FARP2: variants seen among roughly 807,000 people sequenced by gnomAD.
FARP2 encodes the protein FERM, ARH/RhoGEF and pleckstrin domain protein 2.
Under a neutral mutation model 130.5 loss-of-function variants are expected in FARP2, and 111 were observed. The observed-to-expected ratio is 0.85, with a 90% CI of 0.73 to 1.00. The LOEUF (loss-of-function observed/expected upper bound fraction) is 1.00. FARP2 is among the 50% of genes least tolerant of loss of function. FARP2 has a pLI of 0.00. For missense variants in FARP2, 1,385 were observed against 1,346.3 expected (o/e 1.03, Z -0.45); for synonymous variants, 504 against 516.9 (o/e 0.98, Z 0.34).
At chr2:241,476,753 A>G (rs997480288) in intron 19 of FARP2, among the ~76,000 whole-genome samples, 1 of 152,210 alleles carries the variant, frequency 6.6e-6, no homozygotes, top group Non-Finnish European at 1.5e-5. Flanking sequence ...ACATACATAC[A>G]TACAAAAAAT....
At chr2:241,484,825 C>A (rs1017586639) in intron 21 of FARP2, among the ~76,000 whole-genome samples, 18 of 152,174 alleles carry the variant, frequency 1.2e-4, no homozygotes, top group Non-Finnish European at 2.2e-4. Flanking sequence ...ATACTGTTCT[C>A]AGGTCATGGG....
At chr2:241,426,571 A>G (rs903492037) in intron 8 of FARP2, among the ~76,000 whole-genome samples, 7 of 152,170 alleles carry the variant, frequency 4.6e-5, no homozygotes, top group Non-Finnish European at 7.3e-5. Context: ...GGGTGAATGA[A>G]TGGATGCATG....
chr2:241,431,678 G>T lies in FARP2; in HGVS notation c.772-1G>T. 6.5e-7 allele frequency: 1 copy of T among 1,541,328 alleles called. No individual in the cohort carries two copies. The highest frequency in any genetic ancestry group is 1.4e-5 in the African/African-American group (1 of 73,074). On this transcript the variant is annotated splice_acceptor_variant, in intron 8 of 26. Transcript: ENST00000264042. LOFTEE classifies it high-confidence loss of function. ...TAATCTGTCTGTCTCTTGCATTTCA[G>T]GGCACCACCAAAATCAACACTTTCA...
At chr2:241,409,187 T>C (rs2062449887) in intron 5 of FARP2, among the ~76,000 whole-genome samples, 1 of 150,108 alleles carries the variant, frequency 6.7e-6, no homozygotes, top group African/African-American at 2.4e-5. Flanking sequence ...CTCCCCCATA[T>C]TTATGTGGAG....
intron 14 of FARP2, among the ~76,000 whole-genome samples, chr2:241,461,484 C>T (rs1304359693): frequency 6.6e-6 from 1 of 152,222 alleles, no homozygotes; most frequent in Non-Finnish European, 1.5e-5. Context: ...TGCTCCAGCC[C>T]CTTGACCTCT....
chr2:241,401,671 C>G (rs1404459500), intron 2 of FARP2, among the ~76,000 whole-genome samples: 2 of 151,166 alleles, frequency 1.3e-5, no homozygotes, highest in African/African-American at 2.4e-5. Flanking sequence ...TTATTTTTTT[C>G]TTAATTAAAC....
chr2:241,384,193 G>A (rs899590843), intron 2 of FARP2, among the ~76,000 whole-genome samples: 1 of 152,060 alleles, frequency 6.6e-6, no homozygotes, highest in Non-Finnish European at 1.5e-5. Context: ...TATTCTTAGA[G>A]AAATTTAGAC....
chr2:241,397,669 A>G lies in FARP2; in HGVS notation c.184-6159A>G, dbSNP rs2062062821. 3.3e-5 allele frequency among the ~76,000 whole-genome samples: 5 copies of G among 152,054 alleles called. No homozygotes were observed. The South Asian group carries it at 1.0e-3, about 32-fold the overall frequency. On this transcript the variant is annotated intron_variant, in intron 2 of 26. Coordinates refer to ENST00000264042, the MANE Select transcript of FARP2 (RefSeq NM_014808.4). ...GAAAGGCTAGGAATTATTTTCAAGC[A>G]GAACTGTCCAGCGGTAGAATCAGCT... is the stretch of plus-strand genomic sequence containing the variant.
chr2:241,462,908 C>T (rs2064063295), intron 15 of FARP2, among the ~76,000 whole-genome samples: 1 of 151,908 alleles, frequency 6.6e-6, no homozygotes, highest in African/African-American at 2.4e-5. Context: ...CAGGCTGGTC[C>T]CAAACTCCTG....
chr2:241,428,801 C>G (rs886279840), intron 8 of FARP2, among the ~76,000 whole-genome samples: 1 of 152,264 alleles, frequency 6.6e-6, no homozygotes, highest in East Asian at 1.9e-4. Flanking sequence ...AGTTACTCCG[C>G]CAGCCCCCAG....
chr2:241,444,091 A>G (rs186637402), intron 13 of FARP2: 1 of 152,272 alleles, frequency 6.6e-6, no homozygotes, highest in Non-Finnish European at 1.5e-5. Flanking sequence ...CAGTCTCATC[A>G]TTTTGCTTAT....
intron 8 of FARP2, among the ~76,000 whole-genome samples, chr2:241,428,273 C>T (rs1327393171): frequency 1.6e-5 from 2 of 127,622 alleles, no homozygotes; most frequent in South Asian, 4.8e-4. Context: ...CTCCCTTTGT[C>T]GTCCAGGCTG....
At chr2:241,454,432 C>A (rs1052776015) in intron 13 of FARP2, among the ~76,000 whole-genome samples, 20 of 152,218 alleles carry the variant, frequency 1.3e-4, no homozygotes, top group African/African-American at 4.6e-4. Context: ...TAAATAGACA[C>A]TAGTAGCTTC....
intron 5 of FARP2, 112 bp from the exon 6 acceptor site, chr2:241,410,921 G>A: frequency 1.4e-6 from 1 of 734,364 alleles, no homozygotes. Flanking sequence ...CTCACTGTTG[G>A]GTCACTGCCA....
chr2:241,468,978 A>C (rs990577907), intron 18 of FARP2, among the ~76,000 whole-genome samples: 1 of 152,204 alleles, frequency 6.6e-6, no homozygotes, highest in African/African-American at 2.4e-5. Flanking sequence ...CTCAGGCATG[A>C]GGGGAACATT....
At chr2:241,472,986 A>T in intron 18 of FARP2, among the ~76,000 whole-genome samples, 1 of 148,580 alleles carries the variant, frequency 6.7e-6, no homozygotes, top group East Asian at 2.0e-4. Context: ...TTCTGTGGGG[A>T]CCCTGTTCTG....
chr2:241,452,635 TA>T (rs796439122), intron 13 of FARP2, among the ~76,000 whole-genome samples: 152 of 143,060 alleles, frequency 1.1e-3, no homozygotes, highest in African/African-American at 1.2e-3. Flanking sequence ...TCCCATCCAT[TA>T]AAAAAAAAAA....
At chr2:241,473,111 G>A (rs1224144109) in intron 18 of FARP2, among the ~76,000 whole-genome samples, 4 of 151,514 alleles carry the variant, frequency 2.6e-5, no homozygotes, top group Admixed American at 1.3e-4. Flanking sequence ...ACGCTGTTCT[G>A]TGGGGATCCT....
At chr2:241,409,228 T>A (rs866239254) in intron 5 of FARP2, among the ~76,000 whole-genome samples, 1 of 152,106 alleles carries the variant, frequency 6.6e-6, no homozygotes, top group African/African-American at 2.4e-5. Flanking sequence ...AAAATGTACA[T>A]GTTTGTGGTA....
Sources: gnomAD v4.1 joint callset for allele counts (sites outside exome capture counted in the v4.1 genomes callset) on GRCh38, gnomAD v4.1.1 for gene constraint, MANE v1.5 for transcripts, NCBI Gene and HGNC (gene_info 2026-07-23, HGNC 2026-07-21) for gene names.